Variants in ARID2 observed in about 807,000 individuals in gnomAD.
ARID2 encodes AT-rich interaction domain 2.
ARID2 carries 32 observed loss-of-function variants against 184.6 expected under a neutral mutation model. The observed-to-expected ratio is 0.17, with a 90% CI of 0.13 to 0.23. The LOEUF (loss-of-function observed/expected upper bound fraction) is 0.23. Ranked by LOEUF, ARID2 falls within the 10% of genes least tolerant of loss-of-function variation. The pLI, the probability that ARID2 is intolerant of heterozygous loss-of-function variation, is 1.00. For synonymous variants in ARID2, 836 were observed against 772.6 expected, an observed-to-expected ratio of 1.08 and a Z score of -1.36; for missense variants, 1,696 against 2,197.6, an observed-to-expected ratio of 0.77 and a Z score of 4.56.
At chr12:45,903,089 T>C (rs1944479307) in intron 20 of ARID2, among the ~76,000 whole-genome samples, 1 of 152,206 alleles carries the variant, frequency 6.6e-6, no homozygotes. Context: ...ACTATCCTGA[T>C]CTGTGACACC....
chr12:45,748,904 CT>C (rs1167591590), intron 3 of ARID2, among the ~76,000 whole-genome samples: 1 of 152,202 alleles, frequency 6.6e-6, no homozygotes, highest in African/African-American at 2.4e-5. Context: ...AATTCTAGTT[CT>C]TTTGCCATTT....
chr12:45,767,477 T>C (rs11183198), intron 3 of ARID2, among the ~76,000 whole-genome samples: 12,116 of 152,232 alleles, frequency 0.08, 664 homozygotes, highest in Non-Finnish European at 0.12. Flanking sequence ...TGAATAATCC[T>C]GTAAGTGAGG....
chr12:45,775,192 A>G (rs186512437), intron 3 of ARID2, among the ~76,000 whole-genome samples: 22 of 152,344 alleles, frequency 1.4e-4, no homozygotes, highest in African/African-American at 3.6e-4. Flanking sequence ...TGGTTGAACT[A>G]TATTTTCATG....
At chr12:45,837,798 T>G in intron 10 of ARID2, 91 bp downstream of exon 10, 1 of 1,216,268 alleles carries the variant, frequency 8.2e-7, no homozygotes, top group South Asian at 1.8e-5. Flanking sequence ...TATTTGAGGT[T>G]TAGTGTTTTA....
chr12:45,862,113 A>G (rs146650540), intron 16 of ARID2, among the ~76,000 whole-genome samples: 3 of 152,356 alleles, frequency 2.0e-5, no homozygotes, highest in East Asian at 1.9e-4. Context: ...TAGGATAGCA[A>G]TGATCAAACT....
At chr12:45,860,561 T>C (rs1464843585) in intron 15 of ARID2, among the ~76,000 whole-genome samples, 2 of 151,870 alleles carry the variant, frequency 1.3e-5, no homozygotes, top group Non-Finnish European at 2.9e-5. Context: ...ATATATTTTA[T>C]AGTGGTAATA....
intron 18 of ARID2, 97 bp downstream of exon 18, chr12:45,892,193 A>C: frequency 8.1e-7 from 1 of 1,230,832 alleles, no homozygotes; most frequent in Non-Finnish European, 1.1e-6. Context: ...GGAGACCAGA[A>C]ACCTGGGTTC....
intron 3 of ARID2, among the ~76,000 whole-genome samples, chr12:45,808,909 C>T (rs753726228): frequency 3.9e-5 from 6 of 152,126 alleles, no homozygotes; most frequent in Admixed American, 2.6e-4. Context: ...GGATTACAGG[C>T]GTGCGCCACC....
chr12:45,814,828 C>T (rs1942776725), intron 4 of ARID2, among the ~76,000 whole-genome samples: 1 of 152,150 alleles, frequency 6.6e-6, no homozygotes, highest in South Asian at 2.1e-4. Flanking sequence ...TAAATTGGTG[C>T]TTTCACTGTT....
At chr12:45,784,130 C>T (rs1942148363) in intron 3 of ARID2, among the ~76,000 whole-genome samples, 1 of 152,132 alleles carries the variant, frequency 6.6e-6, no homozygotes, top group African/African-American at 2.4e-5. Flanking sequence ...GCTGGGACTA[C>T]AGGTGTGTGC....
At chr12:45,788,197 C>G (rs1317771936) in intron 3 of ARID2, among the ~76,000 whole-genome samples, 1 of 152,108 alleles carries the variant, frequency 6.6e-6, no homozygotes, top group Non-Finnish European at 1.5e-5. Context: ...ACTATTAATG[C>G]TATTAATTGA....
At chr12:45,786,660 T>A (rs1942200579) in intron 3 of ARID2, among the ~76,000 whole-genome samples, 1 of 152,174 alleles carries the variant, frequency 6.6e-6, no homozygotes, top group African/African-American at 2.4e-5. Flanking sequence ...GGGAAAGAAA[T>A]CAGTATATTG....
chr12:45,821,870 G>A (rs1194229569), intron 6 of ARID2, among the ~76,000 whole-genome samples: 1 of 152,148 alleles, frequency 6.6e-6, no homozygotes, highest in Non-Finnish European at 1.5e-5. Context: ...AAGAATAGGT[G>A]TAAAAGATTA....
Position 45,729,834 on chromosome 12 carries a change from A to G in ARID2, c.-3A>G, listed in dbSNP as rs1453546654. The G allele has an allele frequency of 1.2e-6, 2 of 1,607,960 alleles. No homozygotes were observed. Among genetic ancestry groups the G allele is most frequent in the Non-Finnish European group, 8.5e-7 (1 of 1,177,700 alleles). On this transcript the variant is annotated 5_prime_UTR_variant, in exon 1 of 21. Coordinates refer to ENST00000334344, the MANE Select transcript of ARID2 (RefSeq NM_152641.4). ...TTTTTTAAAAACCTCCTTTGAAAAA[A>G]TAATGGCAAACTCGACGGGGAAGGC...
At chr12:45,870,116 G>T (rs1185765107) in intron 16 of ARID2, among the ~76,000 whole-genome samples, 2 of 151,864 alleles carry the variant, frequency 1.3e-5, no homozygotes, top group African/African-American at 4.8e-5. Context: ...CTCCTGAGTA[G>T]CTGGGACTAC....
At chr12:45,773,995 C>CT (rs1204054947) in intron 3 of ARID2, among the ~76,000 whole-genome samples, 1 of 151,946 alleles carries the variant, frequency 6.6e-6, no homozygotes, top group Admixed American at 6.6e-5. Context: ...TGAGTGGAAA[C>CT]TTTTTTTTCA....
At position 45,851,838 on chromosome 12, in the gene ARID2, G is replaced by A. The variant is rs2138174074; in HGVS notation, c.3715G>A (p.Gly1239Ser). ...TACTACTGCTACTCCCCCATTCAAA[G>A]GTGATAAAATAATTTGCCAAAAGGA... is the stretch of plus-strand genomic sequence containing the variant. ...SCTTATPPFK[G>S]DKIICQKEEE... Residue 1239 changes from glycine (G) to serine (S), a missense_variant, in exon 15 of 21, where the codon GGT becomes AGT. Transcript: ENST00000334344. The A allele has an allele frequency of 6.2e-7, 1 of 1,614,140 alleles. No homozygotes were observed. The highest frequency in any genetic ancestry group is 1.1e-5 in the South Asian group (1 of 91,084).
intron 3 of ARID2, among the ~76,000 whole-genome samples, chr12:45,794,537 A>G (rs191238890): frequency 3.3e-5 from 5 of 152,316 alleles, no homozygotes; most frequent in African/African-American, 9.6e-5. Context: ...ATAGGTCATC[A>G]TAGGAGGAGT....
chr12:45,787,477 C>A (rs1040692244), intron 3 of ARID2, among the ~76,000 whole-genome samples: 1 of 151,892 alleles, frequency 6.6e-6, no homozygotes, highest in Non-Finnish European at 1.5e-5. Flanking sequence ...TTAAGTGATC[C>A]TCCCACCTTC....
Sources: gnomAD v4.1 joint callset for allele counts (sites outside exome capture counted in the v4.1 genomes callset) on GRCh38, gnomAD v4.1.1 for gene constraint, MANE v1.5 for transcripts, NCBI Gene and HGNC (gene_info 2026-07-23, HGNC 2026-07-21) for gene names.